The following C8orf34 variants were observed in gnomAD, a reference collection of about 807,000 sequenced individuals.
C8orf34 encodes the protein uncharacterized protein C8orf34.
A neutral mutation model predicts 68.3 loss-of-function variants in C8orf34; 65 were observed. That is an observed-to-expected ratio of 0.95 (90% CI 0.78 to 1.17). C8orf34 has a LOEUF of 1.17. Among genes scored for constraint, C8orf34 ranks in the 50% most tolerant of loss-of-function variants. C8orf34 has a pLI of 0.00. For missense variants in C8orf34, 664 were observed against 655.4 expected (o/e 1.01, Z -0.14); for synonymous variants, 244 against 241.2 (o/e 1.01, Z -0.11).
chr8:68,771,309 G>A (rs959396948), intron 10 of C8orf34, among the ~76,000 whole-genome samples: 6 of 152,176 alleles, frequency 3.9e-5, no homozygotes, highest in Non-Finnish European at 7.4e-5. Context: ...GTCGAGTTCA[G>A]AAAGCTGAAT....
chr8:68,577,030 C>T (rs573874827), intron 7 of C8orf34, among the ~76,000 whole-genome samples: 19 of 152,030 alleles, frequency 1.2e-4, no homozygotes, highest in African/African-American at 4.1e-4. Flanking sequence ...TTAAATACCT[C>T]TCCACCTAAC....
chr8:68,741,018 G>A (rs1822274886), intron 10 of C8orf34, among the ~76,000 whole-genome samples: 1 of 152,036 alleles, frequency 6.6e-6, no homozygotes, highest in South Asian at 2.1e-4. Flanking sequence ...TTATAAATGG[G>A]AGCTAAATGA....
chr8:68,770,105 G>A (rs774323276), intron 10 of C8orf34, among the ~76,000 whole-genome samples: 12 of 152,194 alleles, frequency 7.9e-5, no homozygotes, highest in Non-Finnish European at 1.6e-4. Flanking sequence ...TAGGTCAATA[G>A]AGATACACAT....
intron 6 of C8orf34, chr8:68,525,682 G>A (rs1474903616): frequency 4.5e-6 from 3 of 665,704 alleles, no homozygotes; most frequent in Non-Finnish European, 8.4e-6. Context: ...GAAACCTGGG[G>A]CTGATCACTC....
At chr8:68,730,225 T>A (rs920622879) in intron 10 of C8orf34, among the ~76,000 whole-genome samples, 6 of 152,180 alleles carry the variant, frequency 3.9e-5, no homozygotes, top group Admixed American at 3.3e-4. Context: ...CCTTGAAAGA[T>A]AGTGTTGGCA....
chr8:68,808,923 C>T (rs756194934), intron 12 of C8orf34, among the ~76,000 whole-genome samples: 13 of 141,650 alleles, frequency 9.2e-5, no homozygotes, highest in Non-Finnish European at 1.5e-4. Context: ...TTGCCAGCCA[C>T]TTAAGTGTTC....
intron 1 of C8orf34, among the ~76,000 whole-genome samples, chr8:68,353,969 T>C (rs1360882992): frequency 6.6e-6 from 1 of 151,962 alleles, no homozygotes; most frequent in Non-Finnish European, 1.5e-5. Flanking sequence ...CCCTTCTGCA[T>C]CTGAGGGACA....
chr8:68,508,829 A>C (rs985374108), intron 5 of C8orf34, among the ~76,000 whole-genome samples: 9 of 152,194 alleles, frequency 5.9e-5, no homozygotes, highest in Non-Finnish European at 1.0e-4. Flanking sequence ...CTTGCAGACA[A>C]TTTGAATGGT....
At chr8:68,434,772 C>G (rs1214604675) in intron 1 of C8orf34, among the ~76,000 whole-genome samples, 2 of 152,060 alleles carry the variant, frequency 1.3e-5, no homozygotes, top group African/African-American at 2.4e-5. Context: ...TGAGGCTGGG[C>G]GCAGTGGCTC....
chr8:68,746,064 A>G (rs1323698781), intron 10 of C8orf34, among the ~76,000 whole-genome samples: 1 of 152,152 alleles, frequency 6.6e-6, no homozygotes, highest in Non-Finnish European at 1.5e-5. Context: ...TCAAACTAGA[A>G]CTCAGGATTA....
intron 1 of C8orf34, among the ~76,000 whole-genome samples, chr8:68,404,693 G>A (rs1375666639): frequency 6.6e-6 from 1 of 152,092 alleles, no homozygotes; most frequent in African/African-American, 2.4e-5. Flanking sequence ...GTAGATGTGT[G>A]GCATTATTTC....
chr8:68,718,832 A>T (rs1477478515), intron 9 of C8orf34, among the ~76,000 whole-genome samples: 2 of 152,086 alleles, frequency 1.3e-5, no homozygotes, highest in African/African-American at 4.8e-5. Flanking sequence ...TTCTAGTCCT[A>T]CTCCTGCCAC....
At chr8:68,547,278 C>G (rs964727885) in intron 7 of C8orf34, among the ~76,000 whole-genome samples, 1 of 151,564 alleles carries the variant, frequency 6.6e-6, no homozygotes, top group Non-Finnish European at 1.5e-5. Flanking sequence ...AATTTGCCAA[C>G]TTAGATATAA....
chr8:68,664,347 G>A (rs970356719), intron 8 of C8orf34, among the ~76,000 whole-genome samples: 2 of 152,242 alleles, frequency 1.3e-5, no homozygotes, highest in African/African-American at 4.8e-5. Context: ...TAACCTAAAT[G>A]GCATAAGGAG....
chr8:68,649,166 G>C (rs1421519827), intron 8 of C8orf34, among the ~76,000 whole-genome samples: 7 of 152,124 alleles, frequency 4.6e-5, no homozygotes, highest in Admixed American at 3.3e-4. Flanking sequence ...TCATAAAGCT[G>C]ACCTCCCAGG....
At chr8:68,415,161 G>C (rs1389583531) in intron 1 of C8orf34, among the ~76,000 whole-genome samples, 1 of 152,160 alleles carries the variant, frequency 6.6e-6, no homozygotes, top group Non-Finnish European at 1.5e-5. Flanking sequence ...ATCGTATGGA[G>C]AAAACTGGAT....
chr8:68,659,673 G>T (rs752431794), intron 8 of C8orf34, among the ~76,000 whole-genome samples: 1 of 152,026 alleles, frequency 6.6e-6, no homozygotes, highest in Non-Finnish European at 1.5e-5. Flanking sequence ...ACAGAACAAG[G>T]ATCAGCAACA....
chr8:68,716,190 A>G (rs888939750), intron 9 of C8orf34, among the ~76,000 whole-genome samples: 1 of 152,060 alleles, frequency 6.6e-6, no homozygotes, highest in Non-Finnish European at 1.5e-5. Flanking sequence ...GTGAAGGATA[A>G]AAGACTACAC....
intron 1 of C8orf34, among the ~76,000 whole-genome samples, chr8:68,385,194 C>G (rs1379552884): frequency 6.6e-6 from 1 of 152,104 alleles, no homozygotes; most frequent in African/African-American, 2.4e-5. Flanking sequence ...CTTACCTCAA[C>G]CTTATGTGGT....
Sources: allele counts gnomAD v4.1 joint callset (sites outside exome capture counted in the v4.1 genomes callset), GRCh38; gene constraint gnomAD v4.1.1; transcripts MANE v1.5; gene names NCBI Gene and HGNC (gene_info 2026-07-23, HGNC 2026-07-21).